RASEF: variants seen among roughly 807,000 people sequenced by gnomAD.
The protein encoded by RASEF is ras and EF-hand domain-containing protein.
In RASEF, 68 loss-of-function variants were observed where a neutral mutation model predicts 90.1. The observed-to-expected ratio is 0.75, with a 90% CI of 0.62 to 0.92. RASEF has a LOEUF of 0.92. Among genes scored for constraint, RASEF ranks in the 40% least tolerant of loss-of-function variants. RASEF has a pLI of 0.00. For synonymous variants in RASEF, 331 were observed against 345.2 expected (o/e 0.96, Z 0.46); for missense variants, 949 against 937.2 (o/e 1.01, Z -0.16).
rs1564089031 is a variant in RASEF, at chr9:83,049,528, C to CTT, written c.431+12908_431+12909insAA. On this transcript the variant is annotated intron_variant, in intron 1 of 16. Coordinates refer to ENST00000376447, the MANE Select transcript of RASEF (RefSeq NM_152573.4). ...AATGCACAGCCCACCTTTCTGCCTT[C>CTT]CTTTTTTTTTTTTTTTTTTTTTTTA... Among the ~76,000 whole-genome samples the CTT allele has an allele frequency of 9.5e-5, 7 of 73,512 alleles. No homozygotes were observed. The East Asian group carries it at 1.3e-3, about 14-fold the overall frequency. 48.2% of individuals were successfully genotyped at this position (73,512 alleles called of 152,430 possible).
the RASEF span, among the ~76,000 whole-genome samples, chr9:83,213,577 T>G: frequency 1.9e-4 from 29 of 152,128 alleles, no homozygotes; most frequent in Middle Eastern, 3.2e-3. Flanking sequence ...ATAACGGAAG[T>G]AGCTGATGGA....
the RASEF span, among the ~76,000 whole-genome samples, chr9:83,085,665 C>A: frequency 4.6e-5 from 7 of 152,014 alleles, no homozygotes; most frequent in African/African-American, 1.7e-4. Context: ...GTGGCTCACA[C>A]CTATAATCCC....
At chr9:83,084,867 G>C in the RASEF span, among the ~76,000 whole-genome samples, 1 of 151,726 alleles carries the variant, frequency 6.6e-6, no homozygotes, top group Non-Finnish European at 1.5e-5. Flanking sequence ...TTTTTGTCTT[G>C]GATATTTTTT....
intron 1 of RASEF, among the ~76,000 whole-genome samples, chr9:83,039,204 G>A (rs7470762): frequency 6.6e-6 from 1 of 151,856 alleles, no homozygotes; most frequent in Non-Finnish European, 1.5e-5. Flanking sequence ...TCTGAAAGTC[G>A]GCCCTGAATA....
chr9:83,060,093 T>A lies in RASEF; in HGVS notation c.431+2344A>T, dbSNP rs1225500601. ...AAACATTTTCCTATTTAATATCCGT[T>A]CCTCTCAAACTGGATGTGAACACTC... On this transcript the variant is annotated intron_variant, in intron 1 of 16. Transcript: ENST00000376447. Among the ~76,000 whole-genome samples the A allele has an allele frequency of 2.0e-5, 3 of 152,020 alleles. No homozygotes were observed. In the East Asian group the frequency reaches 5.8e-4, roughly 29 times the overall value.
the RASEF span, among the ~76,000 whole-genome samples, chr9:83,137,636 C>G: frequency 2.0e-5 from 3 of 151,986 alleles, no homozygotes; most frequent in African/African-American, 7.2e-5. Context: ...GCTAGGTCAG[C>G]TGGGGCAGGG....
the RASEF span, among the ~76,000 whole-genome samples, chr9:83,128,638 T>C: frequency 2.0e-5 from 3 of 152,010 alleles, no homozygotes; most frequent in South Asian, 6.2e-4. Flanking sequence ...GTAAAATTCT[T>C]CTCTGTCCTC....
intron 1 of RASEF, among the ~76,000 whole-genome samples, chr9:83,044,642 TG>T (rs1401282879): frequency 5.3e-5 from 8 of 152,234 alleles, no homozygotes; most frequent in African/African-American, 1.4e-4. Flanking sequence ...TTGAATTTTC[TG>T]TTACTTACAA....
At chr9:83,058,922 T>C (rs1484963455) in intron 1 of RASEF, among the ~76,000 whole-genome samples, 1 of 152,162 alleles carries the variant, frequency 6.6e-6, no homozygotes, top group Admixed American at 6.5e-5. Flanking sequence ...GGTGCTGATT[T>C]TGACGTCTCA....
the RASEF span, among the ~76,000 whole-genome samples, chr9:83,125,279 G>C: frequency 6.6e-6 from 1 of 152,144 alleles, no homozygotes; most frequent in Non-Finnish European, 1.5e-5. Context: ...AGGCAGGACT[G>C]TCTAGAAGCT....
the RASEF span, among the ~76,000 whole-genome samples, chr9:83,169,378 C>CACACAG: frequency 2.7e-5 from 4 of 150,856 alleles, 1 homozygote; most frequent in South Asian, 8.4e-4. Context: ...CACACACACA[C>CACACAG]ACACACACAC....
At chr9:83,008,478 C>T (rs927664087) in intron 6 of RASEF, among the ~76,000 whole-genome samples, 1 of 152,048 alleles carries the variant, frequency 6.6e-6, no homozygotes, top group Non-Finnish European at 1.5e-5. Context: ...TACTGCCTTA[C>T]CTGGAACATC....
chr9:82,982,384 G>T lies in RASEF; in HGVS notation c.*293C>A. ...CTCTACAGCTTTGATCTGAGCATGT[G>T]ATTTCTTTTCTTTTCTTTTTTTTTA... is the stretch of plus-strand genomic sequence containing the variant. On this transcript the variant is annotated 3_prime_UTR_variant, in exon 17 of 17. Transcript: ENST00000376447. The T allele has an allele frequency of 6.2e-6, 1 of 162,046 alleles. No homozygotes were observed. The highest frequency in any genetic ancestry group is 1.7e-4 in the East Asian group (1 of 5,932). The allele number at this position is 162,046 out of a possible 1,614,324, so 10.0% of individuals were successfully genotyped here.
At chr9:83,210,201 A>G in the RASEF span, among the ~76,000 whole-genome samples, 3 of 152,246 alleles carry the variant, frequency 2.0e-5, no homozygotes, top group African/African-American at 7.2e-5. Context: ...AGAGCTCCAT[A>G]TTTGCAAGGA....
At chr9:83,194,574 A>G in the RASEF span, among the ~76,000 whole-genome samples, 1 of 152,196 alleles carries the variant, frequency 6.6e-6, no homozygotes, top group Non-Finnish European at 1.5e-5. Context: ...GACACTAACT[A>G]TAGACCACAC....
chr9:83,034,232 G>C (rs1829700536), intron 1 of RASEF, among the ~76,000 whole-genome samples: 3 of 152,282 alleles, frequency 2.0e-5, no homozygotes, highest in African/African-American at 4.8e-5. Context: ...CCAATCTAGA[G>C]AAAACAAACA....
upstream of RASEF, among the ~76,000 whole-genome samples, chr9:83,065,981 A>G (rs1587534779): frequency 6.6e-6 from 1 of 152,156 alleles, no homozygotes; most frequent in Non-Finnish European, 1.5e-5. Context: ...AAAAATGTCA[A>G]TTGTGCTGAG....
the RASEF span, among the ~76,000 whole-genome samples, chr9:83,209,707 T>C: frequency 6.6e-6 from 1 of 152,246 alleles, no homozygotes; most frequent in Non-Finnish European, 1.5e-5. Flanking sequence ...ATTTTCTTAA[T>C]CCTTATACTA....
At chr9:83,190,242 G>A in the RASEF span, among the ~76,000 whole-genome samples, 19,643 of 152,112 alleles carry the variant, frequency 0.13, 2,139 homozygotes, top group East Asian at 0.49. Flanking sequence ...GTTACACGAA[G>A]CATCTAAACT....
Sources: gnomAD v4.1 joint callset for allele counts (sites outside exome capture counted in the v4.1 genomes callset) on GRCh38, gnomAD v4.1.1 for gene constraint, MANE v1.5 for transcripts, NCBI Gene and HGNC (gene_info 2026-07-23, HGNC 2026-07-21) for gene names.